The following SAP130 variants were observed in gnomAD, a reference collection of about 807,000 sequenced individuals.
SAP130 encodes the protein histone deacetylase complex subunit SAP130.
Under a neutral mutation model 103.2 loss-of-function variants are expected in SAP130, and 16 were observed. The ratio of observed to expected loss-of-function variants is 0.16; its 90% CI spans 0.10 to 0.24. SAP130 has a LOEUF of 0.24. Ranked by LOEUF, SAP130 falls within the 10% of genes least tolerant of loss-of-function variation. The pLI, the probability that SAP130 is intolerant of heterozygous loss-of-function variation, is 1.00. For missense variants in SAP130, 990 were observed against 1,359.7 expected (o/e 0.73, Z 4.28); for synonymous variants, 477 against 497.0 (o/e 0.96, Z 0.53).
intron 15 of SAP130, among the ~76,000 whole-genome samples, chr2:127,974,805 C>T (rs1252206145): frequency 6.6e-6 from 1 of 152,128 alleles, no homozygotes; most frequent in African/African-American, 2.4e-5. Context: ...AAGAGTGAAA[C>T]TCTGTCTCAA....
intron 7 of SAP130, among the ~76,000 whole-genome samples, chr2:128,008,546 T>A (rs1684143845): frequency 7.0e-6 from 1 of 142,154 alleles, no homozygotes; most frequent in African/African-American, 2.7e-5. Context: ...TTTTTTTTTT[T>A]AATTTGTTGA....
At chr2:127,984,123 T>A (rs1002769068) in intron 14 of SAP130, among the ~76,000 whole-genome samples, 1 of 152,148 alleles carries the variant, frequency 6.6e-6, no homozygotes, top group African/African-American at 2.4e-5. Flanking sequence ...TTGTTCCACG[T>A]TTGAGATTTC....
intron 7 of SAP130, among the ~76,000 whole-genome samples, chr2:128,003,107 C>T (rs544306168): frequency 1.7e-4 from 26 of 150,738 alleles, no homozygotes; most frequent in Non-Finnish European, 3.0e-4. Flanking sequence ...CCAGCCTGGG[C>T]GACACATGAG....
At chr2:127,965,663 G>A (rs1559048794) in intron 15 of SAP130, among the ~76,000 whole-genome samples, 1 of 151,886 alleles carries the variant, frequency 6.6e-6, no homozygotes, top group Non-Finnish European at 1.5e-5. Flanking sequence ...AGTGGCACAC[G>A]CCTGTAATCT....
At chr2:127,982,261 C>T (rs1681999702) in intron 14 of SAP130, among the ~76,000 whole-genome samples, 1 of 152,000 alleles carries the variant, frequency 6.6e-6, no homozygotes, top group Admixed American at 6.6e-5. Context: ...CATGTTTATA[C>T]TGTTTATGTG....
intron 15 of SAP130, among the ~76,000 whole-genome samples, chr2:127,958,349 G>A (rs1319154173): frequency 6.6e-6 from 1 of 152,216 alleles, no homozygotes; most frequent in Non-Finnish European, 1.5e-5. Context: ...AGGAGGCAGA[G>A]GTTACAGTGA....
intron 15 of SAP130, among the ~76,000 whole-genome samples, chr2:127,971,626 C>G (rs945387496): frequency 1.3e-5 from 2 of 152,198 alleles, no homozygotes; most frequent in Non-Finnish European, 2.9e-5. Flanking sequence ...CCAATACTCT[C>G]TTGTGCAGTT....
intron 10 of SAP130, among the ~76,000 whole-genome samples, chr2:127,999,471 G>T (rs1011836022): frequency 1.3e-5 from 2 of 152,132 alleles, no homozygotes; most frequent in African/African-American, 4.8e-5. Flanking sequence ...AGGCATGGTG[G>T]CATGTGCCTG....
intron 7 of SAP130, among the ~76,000 whole-genome samples, chr2:128,004,709 A>C (rs542924400): frequency 6.6e-6 from 1 of 152,316 alleles, no homozygotes; most frequent in East Asian, 1.9e-4. Flanking sequence ...GGAATCAGAC[A>C]CAGACACAGA....
Position 128,013,160 on chromosome 2 carries a change from A to G in SAP130, c.620-6T>C. 3 of 1,587,650 alleles carry G rather than the reference A, an allele frequency of 1.9e-6. No homozygotes were observed. The highest frequency in any genetic ancestry group is 1.4e-5 in the African/African-American group (1 of 73,290). ...CACAGCAGCAGCAGCTGCACCTGAA[A>G]AAAAAAAAGTGTTTATTATATTTAT... is the stretch of plus-strand genomic sequence containing the variant. On this transcript the variant is annotated splice_region_variant and splice_polypyrimidine_tract_variant and intron_variant, in intron 5 of 20. Coordinates refer to ENST00000643581, the MANE Select transcript of SAP130 (RefSeq NM_001330301.2).
At chr2:128,012,057 G>A (rs375307063) in intron 6 of SAP130, among the ~76,000 whole-genome samples, 4 of 152,236 alleles carry the variant, frequency 2.6e-5, no homozygotes, top group Middle Eastern at 3.4e-3. Context: ...CAGACAATCC[G>A]CCCGCCTTGG....
At chr2:127,961,142 AC>A (rs1680220543) in intron 15 of SAP130, among the ~76,000 whole-genome samples, 1 of 150,762 alleles carries the variant, frequency 6.6e-6, no homozygotes, top group African/African-American at 2.4e-5. Flanking sequence ...GGTGTGCACC[AC>A]CACACCCAAC....
intron 15 of SAP130, among the ~76,000 whole-genome samples, chr2:127,965,823 T>C (rs771074507): frequency 1.3e-5 from 2 of 151,314 alleles, no homozygotes; most frequent in Non-Finnish European, 2.9e-5. Flanking sequence ...AAAGTGTAAT[T>C]AACACAGGGA....
chr2:127,999,611 G>T (rs878913891), intron 10 of SAP130, 130 bp downstream of exon 10: 1 of 445,672 alleles, frequency 2.2e-6, no homozygotes. Flanking sequence ...GAAAGAAAAA[G>T]AAAAGAAAAA....
chr2:128,007,188 T>C (rs1373784365), intron 7 of SAP130, among the ~76,000 whole-genome samples: 1 of 152,194 alleles, frequency 6.6e-6, no homozygotes, highest in East Asian at 1.9e-4. Context: ...CAACCAAGCA[T>C]GGATTGAAAA....
rs181925318 is a variant in SAP130 at position 127,965,228 on chromosome 2, C to A, written c.2064-9884G>T. Among the ~76,000 whole-genome samples the A allele has an allele frequency of 3.0e-4, 45 of 152,024 alleles. No homozygotes were observed. In the East Asian group the frequency reaches 8.7e-3, roughly 30 times the overall value. ...AGGAGAATCGCTTGAACCTGGGAGG[C>A]AGAGGTTGTGGTGAGCCGAGATTGC... On this transcript the variant is annotated intron_variant, in intron 15 of 20. Coordinates refer to ENST00000643581, the MANE Select transcript of SAP130 (RefSeq NM_001330301.2).
chr2:127,983,573 A>G (rs962356567), intron 14 of SAP130, among the ~76,000 whole-genome samples: 18 of 152,160 alleles, frequency 1.2e-4, no homozygotes, highest in African/African-American at 4.3e-4. Context: ...GAAGGCGTGG[A>G]GAAAGAAGAG....
intron 14 of SAP130, among the ~76,000 whole-genome samples, chr2:127,981,438 C>A (rs1296306657): frequency 7.4e-6 from 1 of 135,080 alleles, no homozygotes; most frequent in Admixed American, 7.4e-5. Flanking sequence ...CTCCTGCACC[C>A]GACTCAGCTC....
chr2:128,016,058 C>T (rs894888240), intron 4 of SAP130, among the ~76,000 whole-genome samples: 2 of 152,030 alleles, frequency 1.3e-5, no homozygotes, highest in Non-Finnish European at 2.9e-5. Context: ...CCCCGGAAGG[C>T]AGTTCTTGAC....
Sources: gnomAD v4.1 joint callset for allele counts (sites outside exome capture counted in the v4.1 genomes callset) on GRCh38, gnomAD v4.1.1 for gene constraint, MANE v1.5 for transcripts, NCBI Gene and HGNC (gene_info 2026-07-23, HGNC 2026-07-21) for gene names.